The following CSMD1 variants were observed in gnomAD, a reference collection of about 807,000 sequenced individuals.
CSMD1 encodes the protein CUB and sushi domain-containing protein 1.
CSMD1 carries 213 observed loss-of-function variants against 417.5 expected under a neutral mutation model. The observed-to-expected ratio is 0.51, with a 90% CI of 0.46 to 0.57. CSMD1 has a LOEUF of 0.57. CSMD1 is among the 20% of genes least tolerant of loss of function. CSMD1 has a pLI of 0.00. For synonymous variants in CSMD1, 2,862 were observed against 1,736.8 expected (o/e 1.65, Z -16.11); for missense variants, 6,923 against 4,529.7 (o/e 1.53, Z -15.17).
chr8:3,477,278 A>G (rs1173030996), intron 11 of CSMD1, among the ~76,000 whole-genome samples: 1 of 152,214 alleles, frequency 6.6e-6, no homozygotes, highest in Non-Finnish European at 1.5e-5. Context: ...AACCTTTAAT[A>G]TACTCATTAC....
chr8:4,768,957 T>A (rs1404882210), intron 1 of CSMD1, among the ~76,000 whole-genome samples: 1 of 152,158 alleles, frequency 6.6e-6, no homozygotes, highest in African/African-American at 2.4e-5. Context: ...GTCAGGTAAA[T>A]AAATTAACTT....
intron 6 of CSMD1, among the ~76,000 whole-genome samples, chr8:3,745,884 G>A (rs1450008103): frequency 6.6e-6 from 1 of 152,132 alleles, no homozygotes; most frequent in Non-Finnish European, 1.5e-5. Flanking sequence ...TAATTGCCTG[G>A]GGAGCAGTCA....
At chr8:4,469,662 G>T (rs999752359) in intron 2 of CSMD1, among the ~76,000 whole-genome samples, 1 of 152,032 alleles carries the variant, frequency 6.6e-6, no homozygotes, top group African/African-American at 2.4e-5. Context: ...ACCTCGTCTG[G>T]AAACAGGCCC....
intron 3 of CSMD1, among the ~76,000 whole-genome samples, chr8:4,400,950 T>C (rs557548714): frequency 1.3e-5 from 1 of 79,434 alleles, no homozygotes; most frequent in Non-Finnish European, 2.8e-5. Context: ...TTATTTTAGA[T>C]AATATTATGT....
intron 5 of CSMD1, among the ~76,000 whole-genome samples, chr8:3,937,083 G>C (rs530314212): frequency 7.9e-4 from 120 of 152,282 alleles, no homozygotes; most frequent in Non-Finnish European, 1.6e-3. Context: ...AAGTAGAACT[G>C]AATTGCTGCA....
At chr8:4,742,218 G>GT (rs1563267240) in intron 1 of CSMD1, among the ~76,000 whole-genome samples, 6 of 150,780 alleles carry the variant, frequency 4.0e-5, no homozygotes, top group African/African-American at 1.5e-4. Context: ...TTTTAGTAGA[G>GT]ACGGGGTTTC....
intron 1 of CSMD1, among the ~76,000 whole-genome samples, chr8:4,935,430 C>A (rs999911961): frequency 6.6e-6 from 1 of 152,236 alleles, no homozygotes; most frequent in African/African-American, 2.4e-5. Flanking sequence ...CGGTTCATTT[C>A]TAATGCTTGC....
chr8:4,125,043 C>G (rs1386818759), intron 3 of CSMD1, among the ~76,000 whole-genome samples: 2 of 152,102 alleles, frequency 1.3e-5, no homozygotes, highest in Admixed American at 6.6e-5. Flanking sequence ...GCACGTTTCT[C>G]TAATTCAGCT....
chr8:4,197,208 G>C (rs923391737), intron 3 of CSMD1, among the ~76,000 whole-genome samples: 2 of 152,160 alleles, frequency 1.3e-5, no homozygotes, highest in Non-Finnish European at 1.5e-5. Flanking sequence ...TTTCCAGTAA[G>C]AGCATCATGA....
chr8:3,136,593 G>A (rs1241795769), intron 41 of CSMD1, among the ~76,000 whole-genome samples: 2 of 152,042 alleles, frequency 1.3e-5, no homozygotes, highest in Non-Finnish European at 2.9e-5. Context: ...GGTAGCGACG[G>A]AAGAGATGCA....
rs1368277510 is a variant in CSMD1 at position 3,201,642 on chromosome 8, G to T, written c.5068C>A (p.Leu1690Ile). 1 of 1,605,236 alleles carries T rather than the reference G, an allele frequency of 6.2e-7. No individual in the cohort carries two copies. Among genetic ancestry groups the T allele is most frequent in the Non-Finnish European group, 8.5e-7 (1 of 1,175,650 alleles). The change falls in exon 32 of 70, where the codon CTT becomes ATT. Residue 1690 changes from leucine (L) to isoleucine (I), a missense_variant. Leu to Ile is a conservative substitution (Grantham distance 5). Transcript: ENST00000635120. ...LFDGTHAQAR[L>I]LSSLSGSHSG... ...TGAGACCCCGAGAGTGAGCTGAGAAGTCTGGCCTGTGCATGGGTTCCATCA... is the reference window on the plus strand; with the variant it reads ...TGAGACCCCGAGAGTGAGCTGAGAATTCTGGCCTGTGCATGGGTTCCATCA...
At chr8:4,755,051 T>C (rs528297788) in intron 1 of CSMD1, among the ~76,000 whole-genome samples, 3 of 152,066 alleles carry the variant, frequency 2.0e-5, no homozygotes, top group South Asian at 4.2e-4. Flanking sequence ...GGCAGAAGAA[T>C]TGCTTGAACC....
In CSMD1 at chr8:3,209,610, C is replaced by T. The variant is rs1304832276; in HGVS notation, c.4868-3990G>A. ...CTGGAATTACAGGTGTGAGCCACTG[C>T]ACTCGGCTATTTAATTCTTAATAAT... is the stretch of plus-strand genomic sequence containing the variant. On this transcript the variant is annotated intron_variant, in intron 30 of 69. Transcript: ENST00000635120. Among the ~76,000 whole-genome samples the T allele has an allele frequency of 2.6e-5, 4 of 152,284 alleles. No homozygotes were observed. The South Asian group carries it at 6.2e-4, about 24-fold the overall frequency.
At chr8:3,198,822 C>A (rs987204228) in intron 33 of CSMD1, among the ~76,000 whole-genome samples, 1 of 152,046 alleles carries the variant, frequency 6.6e-6, no homozygotes, top group South Asian at 2.1e-4. Context: ...GGAAAGAAAC[C>A]ATTGCTAAGA....
intron 68 of CSMD1, among the ~76,000 whole-genome samples, chr8:2,943,895 T>G (rs1802050755): frequency 6.6e-6 from 1 of 152,224 alleles, no homozygotes; most frequent in Non-Finnish European, 1.5e-5. Flanking sequence ...GAGATGTTGC[T>G]GTATTTATTG....
At chr8:3,983,461 T>C (rs1319977311) in intron 5 of CSMD1, among the ~76,000 whole-genome samples, 1 of 152,058 alleles carries the variant, frequency 6.6e-6, no homozygotes, top group East Asian at 1.9e-4. Context: ...TACCTATAAG[T>C]CACCAGGGTA....
intron 3 of CSMD1, among the ~76,000 whole-genome samples, chr8:4,314,353 G>C (rs547735203): frequency 4.6e-5 from 7 of 152,132 alleles, no homozygotes; most frequent in Non-Finnish European, 8.8e-5. Context: ...ACCTGCCATA[G>C]AACATTTCCT....
intron 2 of CSMD1, among the ~76,000 whole-genome samples, chr8:4,458,791 T>TAGA (rs1799638202): frequency 6.6e-6 from 1 of 151,780 alleles, no homozygotes; most frequent in Non-Finnish European, 1.5e-5. Context: ...TTAGGAATAT[T>TAGA]TAATTTTTTT....
At chr8:3,595,830 A>G (rs763099681) in intron 8 of CSMD1, among the ~76,000 whole-genome samples, 4 of 152,220 alleles carry the variant, frequency 2.6e-5, no homozygotes, top group South Asian at 2.1e-4. Context: ...CTATCTATAC[A>G]AAGGCAAAAG....
Sources: allele counts gnomAD v4.1 joint callset (sites outside exome capture counted in the v4.1 genomes callset), GRCh38; gene constraint gnomAD v4.1.1; transcripts MANE v1.5; gene names NCBI Gene and HGNC (gene_info 2026-07-23, HGNC 2026-07-21).